Variants in CAMTA1 observed in about 807,000 individuals in gnomAD.
The protein encoded by CAMTA1 is calmodulin-binding transcription activator 1.
CAMTA1 carries 27 observed loss-of-function variants against 170.9 expected under a neutral mutation model. The observed-to-expected ratio is 0.16, with a 90% confidence interval of 0.12 to 0.22. The LOEUF is 0.22. Among genes scored for constraint, CAMTA1 ranks in the 10% least tolerant of loss-of-function variants. CAMTA1 has a pLI of 1.00. For synonymous variants in CAMTA1, 833 were observed against 891.5 expected (o/e 0.93, Z 1.17); for missense variants, 1,619 against 2,217.2 (o/e 0.73, Z 5.42).
intron 5 of CAMTA1, among the ~76,000 whole-genome samples, chr1:7,252,656 T>C (rs955248624): frequency 2.6e-5 from 4 of 152,194 alleles, no homozygotes; most frequent in African/African-American, 2.4e-5. Flanking sequence ...TCCCATAGAC[T>C]CAGCATCTTC....
At chr1:6,941,392 C>A (rs1686589970) in intron 3 of CAMTA1, among the ~76,000 whole-genome samples, 1 of 152,156 alleles carries the variant, frequency 6.6e-6, no homozygotes, top group Non-Finnish European at 1.5e-5. Flanking sequence ...AATCCGAGTC[C>A]CTCAGAGGCC....
chr1:7,387,085 G>T (rs1332617745), intron 5 of CAMTA1, among the ~76,000 whole-genome samples: 2 of 152,018 alleles, frequency 1.3e-5, no homozygotes, highest in African/African-American at 4.8e-5. Flanking sequence ...CTCTCTTCCT[G>T]GGTCTGTCTC....
chr1:7,566,671 C>A (rs559067161), intron 6 of CAMTA1, among the ~76,000 whole-genome samples: 1 of 152,340 alleles, frequency 6.6e-6, no homozygotes, highest in Admixed American at 6.5e-5. Context: ...TCCACAGGCA[C>A]CCAGAGGCCT....
intron 3 of CAMTA1, among the ~76,000 whole-genome samples, chr1:7,076,399 G>T: frequency 6.6e-6 from 1 of 152,126 alleles, no homozygotes; most frequent in East Asian, 1.9e-4. Flanking sequence ...TTTCCCTGCA[G>T]CCCATGCTGC....
chr1:7,347,357 C>T (rs1485737007), intron 5 of CAMTA1, among the ~76,000 whole-genome samples: 1 of 152,174 alleles, frequency 6.6e-6, no homozygotes, highest in Non-Finnish European at 1.5e-5. Context: ...GTCCGGTGCC[C>T]AGGCAGCTCC....
intron 3 of CAMTA1, among the ~76,000 whole-genome samples, chr1:7,060,536 A>G (rs1301938663): frequency 6.6e-6 from 1 of 152,210 alleles, no homozygotes; most frequent in Non-Finnish European, 1.5e-5. Flanking sequence ...GACACAGTTC[A>G]GTCTGTGACA....
intron 3 of CAMTA1, among the ~76,000 whole-genome samples, chr1:6,984,018 T>TAGATGGATGGG (rs1694888430): frequency 2.0e-5 from 2 of 101,848 alleles, no homozygotes; most frequent in Non-Finnish European, 4.2e-5. Flanking sequence ...GGATGGGTGG[T>TAGATGGATGGG]TGGGCAGATG....
chr1:7,264,408 G>A (rs6577430), intron 5 of CAMTA1, among the ~76,000 whole-genome samples: 61,542 of 152,088 alleles, frequency 0.4, 12,889 homozygotes, highest in Non-Finnish European at 0.47. Flanking sequence ...GGCACATGCA[G>A]TTTCCTTCTG....
intron 3 of CAMTA1, among the ~76,000 whole-genome samples, chr1:6,831,931 C>T (rs1357016003): frequency 1.3e-5 from 2 of 150,692 alleles, no homozygotes; most frequent in African/African-American, 4.9e-5. Flanking sequence ...AATTATAATG[C>T]TTTTTATAGG....
At chr1:7,700,329 A>C (rs2096425403) in intron 11 of CAMTA1, among the ~76,000 whole-genome samples, 1 of 152,126 alleles carries the variant, frequency 6.6e-6, no homozygotes, top group Non-Finnish European at 1.5e-5. Context: ...TGGCTTTTTA[A>C]AATATTTTCT....
At chr1:7,114,383 C>G (rs1463197218) in intron 4 of CAMTA1, among the ~76,000 whole-genome samples, 1 of 149,336 alleles carries the variant, frequency 6.7e-6, no homozygotes, top group Non-Finnish European at 1.5e-5. Context: ...CCCTGGGCCA[C>G]ACTGGAAGAA....
chr1:7,478,787 T>G (rs2093466118), intron 6 of CAMTA1, among the ~76,000 whole-genome samples: 1 of 152,226 alleles, frequency 6.6e-6, no homozygotes, highest in Non-Finnish European at 1.5e-5. Context: ...AGCTGCTTAA[T>G]TTCCCTTCTA....
rs1013468578 is a variant in CAMTA1 at position 7,635,512 on chromosome 1, G to A, written c.511-4888G>A. ...TACTCCCAGCTACTCCAGAGGCTGA[G>A]GCAGGAGAATGGCGTGAACCCGGGA... On this transcript the variant is annotated intron_variant, in intron 6 of 22. Coordinates refer to ENST00000303635, the MANE Select transcript of CAMTA1 (RefSeq NM_015215.4). This position sits in a 1 kb window ranked among gnomAD's most constrained non-coding sequence, Gnocchi z 4.4. 6.6e-6 allele frequency among the ~76,000 whole-genome samples: 1 copy of A among 152,010 alleles called. No homozygotes were observed. The highest frequency in any genetic ancestry group is 2.4e-5 in the African/African-American group (1 of 41,364).
intron 9 of CAMTA1, among the ~76,000 whole-genome samples, chr1:7,667,976 G>C (rs1558091830): frequency 1.3e-5 from 2 of 152,188 alleles, no homozygotes; most frequent in Non-Finnish European, 2.9e-5. Flanking sequence ...CCAGGCCACT[G>C]TCTCCACACC....
In CAMTA1 at chr1:7,594,617, A is replaced by G. The variant is rs548413143; in HGVS notation, c.511-45783A>G. 7.9e-5 allele frequency among the ~76,000 whole-genome samples: 12 copies of G among 152,330 alleles called. No individual in the cohort carries two copies. The South Asian group carries it at 2.3e-3, about 29-fold the overall frequency. ...ACTGGAAGGCCCTCTCAGGGTCCAGACAAGAGAGGGTGGTGACTGCACCAG... is the reference window on the plus strand; with the variant it reads ...ACTGGAAGGCCCTCTCAGGGTCCAGGCAAGAGAGGGTGGTGACTGCACCAG... On this transcript the variant is annotated intron_variant, in intron 6 of 22. Coordinates refer to ENST00000303635, the MANE Select transcript of CAMTA1 (RefSeq NM_015215.4).
rs749678381 is a variant in CAMTA1 at position 7,737,275 on chromosome 1, G to A, written c.3363G>A (p.Gly1121=). The A allele has an allele frequency of 2.5e-6, 4 of 1,613,958 alleles. No homozygotes were observed. In the Admixed American group the frequency reaches 5.0e-5, roughly 20 times the overall value. The part of the protein sequence containing the change: ...CTPLMWACAL[G]HLEAAVVLYK... The stretch of plus-strand genomic sequence containing the variant: ...TCTAGATGTGGGCGTGTGCCCTAGG[G>A]CACTTGGAAGCTGCCGTCGTGCTGT... The change falls in exon 15 of 23, where the codon GGG becomes GGA. Residue 1121 remains glycine, a synonymous_variant. Transcript: ENST00000303635.
intron 5 of CAMTA1, among the ~76,000 whole-genome samples, chr1:7,450,775 T>C (rs1403147488): frequency 6.6e-6 from 1 of 152,226 alleles, no homozygotes; most frequent in African/African-American, 2.4e-5. Context: ...AATACTGCAT[T>C]CTCTCTTTCT....
chr1:7,498,283 C>T (rs527429467), intron 6 of CAMTA1, among the ~76,000 whole-genome samples: 5 of 144,246 alleles, frequency 3.5e-5, no homozygotes, highest in African/African-American at 5.2e-5. Flanking sequence ...TGAGTGTGAG[C>T]GTGTATGAGC....
intron 22 of CAMTA1, among the ~76,000 whole-genome samples, chr1:7,757,448 A>T (rs986188648): frequency 6.6e-6 from 1 of 152,224 alleles, no homozygotes; most frequent in Non-Finnish European, 1.5e-5. Context: ...GTTCTTCTTA[A>T]TAATGACCTT....
Sources: allele counts gnomAD v4.1 joint callset (sites outside exome capture counted in the v4.1 genomes callset), GRCh38; gene constraint gnomAD v4.1.1; non-coding constraint Gnocchi (gnomAD v3.1); transcripts MANE v1.5; gene names NCBI Gene and HGNC (gene_info 2026-07-23, HGNC 2026-07-21).